Variants in VDAC1 observed in about 807,000 individuals in gnomAD.
The protein encoded by VDAC1 is non-selective voltage-gated ion channel VDAC1.
VDAC1 carries 10 observed loss-of-function variants against 34.7 expected under a neutral mutation model. The observed-to-expected ratio is 0.29, with a 90% CI of 0.18 to 0.49. The LOEUF is 0.49. Ranked by LOEUF, VDAC1 falls within the 20% of genes least tolerant of loss-of-function variation. VDAC1 has a pLI of 0.99. For missense variants in VDAC1, 230 were observed against 347.9 expected, an observed-to-expected ratio of 0.66 and a Z score of 2.69; for synonymous variants, 130 against 136.0, an observed-to-expected ratio of 0.96 and a Z score of 0.30.
the VDAC1 span, among the ~76,000 whole-genome samples, chr5:134,028,657 G>A: frequency 2.0e-5 from 3 of 152,162 alleles, no homozygotes; most frequent in East Asian, 5.8e-4. Flanking sequence ...CTTCCCTCCC[G>A]TGAATGCCTC....
chr5:134,096,794 T>C, the VDAC1 span, among the ~76,000 whole-genome samples: 8 of 152,136 alleles, frequency 5.3e-5, no homozygotes, highest in South Asian at 4.1e-4. Context: ...GGGTTTTTCA[T>C]GTTGCCCAGG....
intron 7 of VDAC1, among the ~76,000 whole-genome samples, chr5:133,974,416 T>G (rs1752402754): frequency 6.6e-6 from 1 of 152,172 alleles, no homozygotes; most frequent in Non-Finnish European, 1.5e-5. Context: ...ATTGATTTCT[T>G]AATATGCAAT....
At chr5:134,107,407 C>A in the VDAC1 span, among the ~76,000 whole-genome samples, 2 of 152,246 alleles carry the variant, frequency 1.3e-5, no homozygotes, top group Non-Finnish European at 1.5e-5. Context: ...GAGATGAAAT[C>A]TCTCTGTGTA....
At chr5:134,035,155 G>A in the VDAC1 span, among the ~76,000 whole-genome samples, 11 of 152,316 alleles carry the variant, frequency 7.2e-5, no homozygotes, top group South Asian at 1.9e-3. Context: ...GCTGAGGCAG[G>A]AGAAGTACAA....
At chr5:133,988,104 A>G (rs751282216) in intron 5 of VDAC1, among the ~76,000 whole-genome samples, 11 of 152,204 alleles carry the variant, frequency 7.2e-5, no homozygotes, top group Non-Finnish European at 1.0e-4. Context: ...CAGATCAGAA[A>G]AAAGACGTCA....
At chr5:133,985,323 G>T (rs1456020860) in intron 5 of VDAC1, among the ~76,000 whole-genome samples, 1 of 152,108 alleles carries the variant, frequency 6.6e-6, no homozygotes, top group East Asian at 1.9e-4. Context: ...ATTTTGGCAA[G>T]GTTTGAAGGA....
the VDAC1 span, among the ~76,000 whole-genome samples, chr5:134,060,802 G>A: frequency 6.6e-6 from 1 of 150,722 alleles, no homozygotes; most frequent in Non-Finnish European, 1.5e-5. Flanking sequence ...TATATTACAT[G>A]GAAACATTCA....
the VDAC1 span, among the ~76,000 whole-genome samples, chr5:134,084,429 C>T: frequency 1.3e-5 from 2 of 152,238 alleles, no homozygotes; most frequent in Non-Finnish European, 2.9e-5. Context: ...ACACTCCAAG[C>T]CAGACCCTGG....
At chr5:134,001,050 C>A (rs570249822) in intron 1 of VDAC1, among the ~76,000 whole-genome samples, 2 of 152,146 alleles carry the variant, frequency 1.3e-5, no homozygotes, top group African/African-American at 2.4e-5. Flanking sequence ...CCAGTTGGCC[C>A]GCACACAGCC....
chr5:134,011,216 C>T, the VDAC1 span, among the ~76,000 whole-genome samples: 3 of 152,148 alleles, frequency 2.0e-5, no homozygotes, highest in East Asian at 5.8e-4. Context: ...CCAGGCTGGT[C>T]TCAAACTTCT....
chr5:134,031,484 G>A, the VDAC1 span, among the ~76,000 whole-genome samples: 1 of 152,174 alleles, frequency 6.6e-6, no homozygotes, highest in East Asian at 1.9e-4. Context: ...CTGTTTATAA[G>A]AGGGAGACAG....
the VDAC1 span, among the ~76,000 whole-genome samples, chr5:134,055,675 G>T: frequency 7.5e-6 from 1 of 132,870 alleles, no homozygotes; most frequent in African/African-American, 2.9e-5. Context: ...TGATCCGCCC[G>T]CCATGGCTTC....
the VDAC1 span, among the ~76,000 whole-genome samples, chr5:134,102,115 A>G: frequency 6.6e-6 from 1 of 151,914 alleles, no homozygotes; most frequent in Non-Finnish European, 1.5e-5. Flanking sequence ...CACCCTGGTT[A>G]CTTCCCACTC....
At chr5:134,018,315 A>G in the VDAC1 span, among the ~76,000 whole-genome samples, 2 of 152,320 alleles carry the variant, frequency 1.3e-5, no homozygotes, top group East Asian at 1.9e-4. Flanking sequence ...CTAACAGAGC[A>G]TGAACTCACT....
chr5:133,972,490 G>T lies in VDAC1; in HGVS notation c.*281C>A. On this transcript the variant is annotated 3_prime_UTR_variant, in exon 9 of 9. Transcript: ENST00000265333. The stretch of plus-strand genomic sequence containing the variant: ...TTTACAAAGTGCCTACATATTATCC[G>T]CTTCCACTTGCAGCCATTTCTAGAT... 2.2e-6 allele frequency: 1 copy of T among 462,036 alleles called. No individual in the cohort carries two copies. Among genetic ancestry groups the T allele is most frequent in the East Asian group, 3.3e-5 (1 of 30,328 alleles). 28.6% of individuals were successfully genotyped at this position (462,036 alleles called of 1,614,324 possible).
the VDAC1 span, among the ~76,000 whole-genome samples, chr5:134,010,841 G>T: frequency 1.3e-5 from 2 of 151,952 alleles, no homozygotes; most frequent in Non-Finnish European, 2.9e-5. Context: ...CATACAAAAA[G>T]CTGTACATAT....
At chr5:134,089,348 C>T in the VDAC1 span, among the ~76,000 whole-genome samples, 1 of 152,180 alleles carries the variant, frequency 6.6e-6, no homozygotes, top group Non-Finnish European at 1.5e-5. Flanking sequence ...AGGCACATCC[C>T]AAATGAGAAG....
intron 8 of VDAC1, among the ~76,000 whole-genome samples, chr5:133,973,084 A>G (rs1000640914): frequency 6.6e-6 from 1 of 152,152 alleles, no homozygotes; most frequent in African/African-American, 2.4e-5. Context: ...AGCCTACCCA[A>G]ATCTACTTCT....
At chr5:134,103,892 G>A in the VDAC1 span, among the ~76,000 whole-genome samples, 1 of 152,194 alleles carries the variant, frequency 6.6e-6, no homozygotes, top group Non-Finnish European at 1.5e-5. Context: ...GGGGCACTAG[G>A]AGCGCTGCTC....
Sources: allele counts gnomAD v4.1 joint callset (sites outside exome capture counted in the v4.1 genomes callset), GRCh38; gene constraint gnomAD v4.1.1; transcripts MANE v1.5; gene names NCBI Gene and HGNC (gene_info 2026-07-23, HGNC 2026-07-21).